PARD3B: variants seen among roughly 807,000 people sequenced by gnomAD.
PARD3B encodes par-3 family cell polarity regulator beta.
In PARD3B, 103 loss-of-function variants were observed where a neutral mutation model predicts 130.2. That is an observed-to-expected ratio of 0.79 (90% CI 0.67 to 0.93). The LOEUF (loss-of-function observed/expected upper bound fraction) is 0.93. Ranked by LOEUF, PARD3B falls within the 40% of genes least tolerant of loss-of-function variation. The pLI is 0.00. For synonymous variants in PARD3B, 583 were observed against 553.2 expected (o/e 1.05, Z -0.76); for missense variants, 1,609 against 1,499.2 (o/e 1.07, Z -1.21).
intron 2 of PARD3B, among the ~76,000 whole-genome samples, chr2:204,818,024 G>T (rs1038864312): frequency 6.6e-6 from 1 of 152,054 alleles, no homozygotes; most frequent in African/African-American, 2.4e-5. Flanking sequence ...ATTTATAAAG[G>T]CATACGCCCA....
rs1453674730 is a variant in PARD3B, at chr2:205,397,996, A to T, written c.2631-3017A>T. On this transcript the variant is annotated intron_variant, in intron 18 of 22. Coordinates refer to ENST00000406610, the MANE Select transcript of PARD3B (RefSeq NM_001302769.2). This position sits in a 1 kb window ranked among gnomAD's most constrained non-coding sequence, Gnocchi z 4.8. ...TGAATGTATCAGGCAAATCTGAATT[A>T]TATTTGAAAGTTAATGTTCTGGCCG... Among the ~76,000 whole-genome samples, 1 of 152,160 alleles carries T rather than the reference A, an allele frequency of 6.6e-6. No individual in the cohort carries two copies. Among genetic ancestry groups the T allele is most frequent in the African/African-American group, 2.4e-5 (1 of 41,442 alleles).
rs571932834 is a variant in PARD3B, at chr2:205,056,665, C to A, written c.504+8975C>A. 5.0e-4 allele frequency among the ~76,000 whole-genome samples: 76 copies of A among 151,736 alleles called. 1 individual carries two copies. In the South Asian group the frequency reaches 8.7e-3, roughly 17 times the overall value. The stretch of plus-strand genomic sequence containing the variant: ...CTGGAAATTTTCAGACTCACATAGC[C>A]CTGATATTTCTCAACAGATTTTTCA... On this transcript the variant is annotated intron_variant, in intron 4 of 22. Coordinates refer to ENST00000406610, the MANE Select transcript of PARD3B (RefSeq NM_001302769.2).
intron 2 of PARD3B, among the ~76,000 whole-genome samples, chr2:204,903,984 A>T (rs970322592): frequency 6.6e-6 from 1 of 152,220 alleles, no homozygotes; most frequent in African/African-American, 2.4e-5. Context: ...TTGCTATTGA[A>T]TGCTACTTGA....
At chr2:204,595,285 G>A (rs2033237994) in intron 1 of PARD3B, among the ~76,000 whole-genome samples, 1 of 152,200 alleles carries the variant, frequency 6.6e-6, no homozygotes. Flanking sequence ...TCGGGCAGTG[G>A]AAACACTTCT....
intron 19 of PARD3B, among the ~76,000 whole-genome samples, chr2:205,413,719 C>T (rs564211102): frequency 6.6e-6 from 1 of 152,078 alleles, no homozygotes; most frequent in South Asian, 2.1e-4. Context: ...CACTTGTTTC[C>T]CTGTGGCTGA....
In PARD3B at chr2:204,705,210, C is replaced by T. The variant is rs77061387; in HGVS notation, c.222+18928C>T. ...TTTCACTATGTTTAGTATTGGGAGC[C>T]GATTATGTGCTAGGGCACTGGTGAT... is the stretch of plus-strand genomic sequence containing the variant. On this transcript the variant is annotated intron_variant, in intron 2 of 22. Coordinates refer to ENST00000406610, the MANE Select transcript of PARD3B (RefSeq NM_001302769.2). 9.6e-3 allele frequency among the ~76,000 whole-genome samples: 1,465 copies of T among 152,134 alleles called. 20 individuals are homozygous for T. The highest frequency in any genetic ancestry group is 0.033 in the African/African-American group (1,369 of 41,496).
In PARD3B at chr2:205,146,786, G is replaced by T. The variant is rs1345730646; in HGVS notation, c.1435-11936G>T. ...TCTGTTGCCCAGGGTGGAATGCAGT[G>T]GAGCGATCTCAGCTCAGTGCATCCT... On this transcript the variant is annotated intron_variant, in intron 10 of 22. Coordinates refer to ENST00000406610, the MANE Select transcript of PARD3B (RefSeq NM_001302769.2). This position sits in a 1 kb window ranked among gnomAD's most constrained non-coding sequence, Gnocchi z 4.3. 3.3e-5 allele frequency among the ~76,000 whole-genome samples: 5 copies of T among 151,886 alleles called. No individual in the cohort carries two copies. Among genetic ancestry groups the T allele is most frequent in the Non-Finnish European group, 5.9e-5 (4 of 67,972 alleles).
At chr2:204,552,814 T>C (rs1385489777) in intron 1 of PARD3B, among the ~76,000 whole-genome samples, 1 of 152,216 alleles carries the variant, frequency 6.6e-6, no homozygotes, top group Non-Finnish European at 1.5e-5. Context: ...ACTGTAAGTA[T>C]TTGGGTTTAT....
chr2:204,663,354 G>T (rs1280757890), intron 1 of PARD3B, among the ~76,000 whole-genome samples: 1 of 152,138 alleles, frequency 6.6e-6, no homozygotes, highest in African/African-American at 2.4e-5. Flanking sequence ...AATATCACCC[G>T]CATCCCTTAG....
chr2:205,060,263 A>G (rs35121029), intron 4 of PARD3B, among the ~76,000 whole-genome samples: 17,479 of 152,104 alleles, frequency 0.11, 1,020 homozygotes, highest in African/African-American at 0.12. Flanking sequence ...TTTTCCTTCA[A>G]AAATGGTGGC....
Position 205,384,322 on chromosome 2 carries a change from G to A in PARD3B, c.2631-16691G>A, listed in dbSNP as rs139513041. Among the ~76,000 whole-genome samples the A allele has an allele frequency of 2.4e-3, 358 of 152,092 alleles. 3 individuals are homozygous for A. In the East Asian group the frequency reaches 0.026, roughly 11 times the overall value. On this transcript the variant is annotated intron_variant, in intron 18 of 22. Coordinates refer to ENST00000406610, the MANE Select transcript of PARD3B (RefSeq NM_001302769.2). The stretch of plus-strand genomic sequence containing the variant: ...TGGTAGGAGCACTAATGAGTCCTCA[G>A]GTGACCATAAAAATGGAAAGACAGA...
At position 205,589,058 on chromosome 2, in the gene PARD3B, C is replaced by T. The variant is rs1309213805; in HGVS notation, c.3261-26398C>T. On this transcript the variant is annotated intron_variant, in intron 22 of 22. Coordinates refer to ENST00000406610, the MANE Select transcript of PARD3B (RefSeq NM_001302769.2). The surrounding 1 kb of genome is among the most constrained non-coding windows in gnomAD (Gnocchi z 4.1). ...ATCCCAGCACACCAGGAGGCTGAGG[C>T]AGGTGGATCCTTTGAATCCAGGAGT... Among the ~76,000 whole-genome samples the T allele has an allele frequency of 6.6e-6, 1 of 152,192 alleles. No individual in the cohort carries two copies. Among genetic ancestry groups the T allele is most frequent in the Non-Finnish European group, 1.5e-5 (1 of 68,038 alleles).
chr2:205,515,470 G>GTA (rs146949293), intron 21 of PARD3B, among the ~76,000 whole-genome samples: 9,035 of 152,128 alleles, frequency 0.059, 427 homozygotes, highest in South Asian at 0.13. Flanking sequence ...AACAGTGTAT[G>GTA]AGTGTTCCCT....
At chr2:205,103,408 A>C (rs1242678344) in intron 4 of PARD3B, among the ~76,000 whole-genome samples, 1 of 145,662 alleles carries the variant, frequency 6.9e-6, no homozygotes, top group Non-Finnish European at 1.5e-5. Context: ...TAAATAAAAT[A>C]TTTATAGATA....
chr2:204,711,062 G>A (rs555677791), intron 2 of PARD3B, among the ~76,000 whole-genome samples: 40 of 152,120 alleles, frequency 2.6e-4, no homozygotes, highest in African/African-American at 8.4e-4. Context: ...TTGATGTTGT[G>A]GCCATTATTA....
intron 15 of PARD3B, among the ~76,000 whole-genome samples, chr2:205,226,106 A>G (rs997875597): frequency 1.3e-5 from 2 of 152,190 alleles, no homozygotes; most frequent in Non-Finnish European, 2.9e-5. Context: ...CAGTGGCACA[A>G]TCTCTGCTCA....
intron 14 of PARD3B, among the ~76,000 whole-genome samples, chr2:205,191,075 G>GAAAAAAAAAAAAAA (rs5837960): frequency 3.1e-5 from 3 of 97,728 alleles, no homozygotes; most frequent in Admixed American, 2.0e-4. Flanking sequence ...GAAAGAAATA[G>GAAAAAAAAAAAAAA]AAAAAAAAAA....
At position 205,384,190 on chromosome 2, in the gene PARD3B, A is replaced by G. The variant is rs565872255; in HGVS notation, c.2631-16823A>G. Among the ~76,000 whole-genome samples, 8 of 152,156 alleles carry G rather than the reference A, an allele frequency of 5.3e-5. No individual in the cohort carries two copies. The South Asian group carries it at 1.2e-3, about 24-fold the overall frequency. ...GAATGGATAATTGAAATCTTCACATAATCTGCAAGCCTTATAATAGCTACT... is the reference window on the plus strand; with the variant it reads ...GAATGGATAATTGAAATCTTCACATGATCTGCAAGCCTTATAATAGCTACT... On this transcript the variant is annotated intron_variant, in intron 18 of 22. Coordinates refer to ENST00000406610, the MANE Select transcript of PARD3B (RefSeq NM_001302769.2).
chr2:205,079,458 A>T (rs75206528), intron 4 of PARD3B, among the ~76,000 whole-genome samples: 1,717 of 152,294 alleles, frequency 0.011, 25 homozygotes, highest in Non-Finnish European at 0.019. Context: ...GTATCCTTAC[A>T]TGACAGAAGG....
Sources: allele counts gnomAD v4.1 joint callset (sites outside exome capture counted in the v4.1 genomes callset), GRCh38; gene constraint gnomAD v4.1.1; non-coding constraint Gnocchi (gnomAD v3.1); transcripts MANE v1.5; gene names NCBI Gene and HGNC (gene_info 2026-07-23, HGNC 2026-07-21).